The following KIFAP3 variants were observed in gnomAD, a reference collection of about 807,000 sequenced individuals.
The protein encoded by KIFAP3 is kinesin-associated protein 3.
Under a neutral mutation model 106.5 loss-of-function variants are expected in KIFAP3, and 68 were observed. The observed-to-expected ratio is 0.64, with a 90% CI of 0.53 to 0.78. KIFAP3 has a LOEUF of 0.78. KIFAP3 is among the 30% of genes least tolerant of loss of function. The pLI is 0.00. For synonymous variants in KIFAP3, 320 were observed against 311.5 expected, an observed-to-expected ratio of 1.03 and a Z score of -0.29; for missense variants, 780 against 941.8, an observed-to-expected ratio of 0.83 and a Z score of 2.25.
intron 16 of KIFAP3, among the ~76,000 whole-genome samples, chr1:169,975,585 A>C (rs1288006348): frequency 6.6e-6 from 1 of 151,994 alleles, no homozygotes; most frequent in Non-Finnish European, 1.5e-5. Context: ...TGTTTTTTCA[A>C]CTCCAAAACA....
At position 169,957,173 on chromosome 1, in the gene KIFAP3, C is replaced by G. The variant is rs144272403; in HGVS notation, c.2174-3063G>C. Among the ~76,000 whole-genome samples, 1,512 of 152,234 alleles carry G rather than the reference C, an allele frequency of 9.9e-3. 24 individuals are homozygous for G. The highest frequency in any genetic ancestry group is 0.01 in the Non-Finnish European group (681 of 68,020). ...CTTCTTATTTATTCTCCAAATAAAT[C>G]TAGGAGTGTCTTAAATTCCTACTCT... On this transcript the variant is annotated intron_variant, in intron 18 of 19. Coordinates refer to ENST00000361580, the MANE Select transcript of KIFAP3 (RefSeq NM_014970.4).
At chr1:170,006,383 T>G (rs1667963120) in intron 10 of KIFAP3, among the ~76,000 whole-genome samples, 1 of 152,180 alleles carries the variant, frequency 6.6e-6, no homozygotes, top group Non-Finnish European at 1.5e-5. Flanking sequence ...TCAATATTAT[T>G]CATCTGCCTC....
intron 8 of KIFAP3, among the ~76,000 whole-genome samples, chr1:170,030,326 C>T (rs1370710567): frequency 6.6e-6 from 1 of 151,808 alleles, no homozygotes; most frequent in Non-Finnish European, 1.5e-5. Flanking sequence ...AGGAGATGCT[C>T]AACATTAATC....
At chr1:169,928,699 C>CAAAAAAAAAAAAAAAAAAAAAAAAAA (rs10690029) in intron 19 of KIFAP3, among the ~76,000 whole-genome samples, 9 of 37,778 alleles carry the variant, frequency 2.4e-4, no homozygotes, top group Non-Finnish European at 3.7e-4. Flanking sequence ...ACCCTGTCTC[C>CAAAAAAAAAAAAAAAAAAAAAAAAAA]AAAAAAAAAA....
chr1:170,040,379 C>T (rs1448712361), intron 3 of KIFAP3, among the ~76,000 whole-genome samples: 9 of 152,112 alleles, frequency 5.9e-5, no homozygotes. Flanking sequence ...ATTAATAATA[C>T]TCTACCTGGG....
At chr1:169,955,033 G>A (rs139460924) in intron 18 of KIFAP3, among the ~76,000 whole-genome samples, 1 of 152,176 alleles carries the variant, frequency 6.6e-6, no homozygotes, top group Non-Finnish European at 1.5e-5. Flanking sequence ...CTTCAGAGCT[G>A]TTCAATGAAT....
At chr1:169,963,087 T>C (rs1253913646) in intron 17 of KIFAP3, among the ~76,000 whole-genome samples, 1 of 152,126 alleles carries the variant, frequency 6.6e-6, no homozygotes, top group Non-Finnish European at 1.5e-5. Flanking sequence ...TAGTTTTCAG[T>C]CCTGACTCTC....
At chr1:170,022,085 G>C (rs1668869245) in intron 9 of KIFAP3, among the ~76,000 whole-genome samples, 1 of 151,458 alleles carries the variant, frequency 6.6e-6, no homozygotes, top group Non-Finnish European at 1.5e-5. Context: ...AAAAAGCTGG[G>C]ATAGCCAGCA....
At chr1:169,953,496 A>G (rs1005244153) in intron 19 of KIFAP3, among the ~76,000 whole-genome samples, 1 of 152,124 alleles carries the variant, frequency 6.6e-6, no homozygotes, top group Non-Finnish European at 1.5e-5. Flanking sequence ...CTTGAAGAGC[A>G]TATTTTGTTT....
At chr1:170,041,695 GGA>G in intron 3 of KIFAP3, 1 of 1,534,976 alleles carries the variant, frequency 6.5e-7, no homozygotes, top group Non-Finnish European at 8.7e-7. Flanking sequence ...AAGCTTGCTT[GGA>G]GTACAGAAAC....
At chr1:170,021,940 T>C (rs1272268367) in intron 9 of KIFAP3, among the ~76,000 whole-genome samples, 1 of 140,332 alleles carries the variant, frequency 7.1e-6, no homozygotes, top group African/African-American at 2.6e-5. Context: ...TTCTTTTCTT[T>C]CTTTTTTTTT....
chr1:170,041,836 C>T, intron 3 of KIFAP3: 1 of 1,445,326 alleles, frequency 6.9e-7, no homozygotes, highest in South Asian at 1.4e-5. Flanking sequence ...CTGACCCTTC[C>T]CAATCTGTAA....
chr1:169,980,100 T>C (rs1445759962), intron 15 of KIFAP3, among the ~76,000 whole-genome samples: 2 of 152,012 alleles, frequency 1.3e-5, no homozygotes, highest in Non-Finnish European at 2.9e-5. Flanking sequence ...AACTAACCAC[T>C]TTGAAGGAGG....
rs879024897 is a variant in KIFAP3, at chr1:170,035,662, T to C, written c.518-109A>G. On this transcript the variant is annotated intron_variant, in intron 5 of 19. Transcript: ENST00000361580. ...ATGAATAATAAAGCTAAGATAGAACTGGGACAAAAAGTAGGATGCTTCTTT... is the reference window on the plus strand; with the variant it reads ...ATGAATAATAAAGCTAAGATAGAACCGGGACAAAAAGTAGGATGCTTCTTT... The C allele has an allele frequency of 9.8e-5, 59 of 602,428 alleles. 1 individual carries two copies. In the South Asian group the frequency reaches 1.7e-3, roughly 17 times the overall value. The allele number at this position is 602,428 out of a possible 1,614,324, so 37.3% of individuals were successfully genotyped here.
intron 8 of KIFAP3, among the ~76,000 whole-genome samples, chr1:170,027,016 TTTTTTTTTTTTTTTTTTTTTTGAGACAGA>T (rs1364122212): frequency 6.4e-4 from 1 of 1,564 alleles, no homozygotes; most frequent in South Asian, 0.015. Context: ...TCTTGCTTCT[TTTTTTTTTTTTTTTTTTTTTTGAGACAGA>T]GTTTTGCTCT....
intron 18 of KIFAP3, among the ~76,000 whole-genome samples, chr1:169,959,947 G>A (rs907469343): frequency 6.6e-6 from 1 of 152,104 alleles, no homozygotes; most frequent in African/African-American, 2.4e-5. Context: ...GTAAAGTTCA[G>A]TTAGGAAGAA....
At chr1:169,942,917 C>T (rs1008992934) in intron 19 of KIFAP3, among the ~76,000 whole-genome samples, 25 of 106,300 alleles carry the variant, frequency 2.4e-4, no homozygotes, top group African/African-American at 8.7e-4. Context: ...GACGCCCCCC[C>T]CCACCCCTTT....
intron 1 of KIFAP3, among the ~76,000 whole-genome samples, chr1:170,066,503 G>A (rs1239309319): frequency 6.6e-6 from 1 of 152,082 alleles, no homozygotes; most frequent in Non-Finnish European, 1.5e-5. Context: ...TCTGTTTGAG[G>A]CCATAAGAGA....
chr1:169,963,784 G>A (rs1483313483), intron 17 of KIFAP3, among the ~76,000 whole-genome samples: 8 of 152,080 alleles, frequency 5.3e-5, no homozygotes, highest in African/African-American at 1.7e-4. Context: ...GTGAGCCACC[G>A]TGTCTGGCCA....
Sources: allele counts gnomAD v4.1 joint callset (sites outside exome capture counted in the v4.1 genomes callset), GRCh38; gene constraint gnomAD v4.1.1; transcripts MANE v1.5; gene names NCBI Gene and HGNC (gene_info 2026-07-23, HGNC 2026-07-21).